The following ROBO2 variants were observed in gnomAD, a reference collection of about 807,000 sequenced individuals.
ROBO2 encodes roundabout homolog 2.
In ROBO2, 53 loss-of-function variants were observed where a neutral mutation model predicts 160.8. The ratio of observed to expected loss-of-function variants is 0.33; its 90% CI spans 0.26 to 0.41. ROBO2 has a LOEUF of 0.41. Ranked by LOEUF, ROBO2 falls within the 10% of genes least tolerant of loss-of-function variation. The pLI is 1.00. For synonymous variants in ROBO2, 664 were observed against 611.7 expected (o/e 1.09, Z -1.26); for missense variants, 1,577 against 1,722.4 (o/e 0.92, Z 1.49).
At chr3:76,482,281 C>T (rs2107347950) in intron 2 of ROBO2, among the ~76,000 whole-genome samples, 1 of 152,146 alleles carries the variant, frequency 6.6e-6, no homozygotes, top group South Asian at 2.1e-4. Flanking sequence ...TTGATATCAA[C>T]AATTATTAGA....
chr3:76,687,726 C>T (rs1190904666), intron 2 of ROBO2, among the ~76,000 whole-genome samples: 5 of 151,986 alleles, frequency 3.3e-5, no homozygotes, highest in Admixed American at 3.3e-4. Context: ...GGCAACACAA[C>T]CAACCTTTTT....
chr3:77,327,154 C>G (rs189173615), intron 2 of ROBO2, among the ~76,000 whole-genome samples: 1 of 152,246 alleles, frequency 6.6e-6, no homozygotes, highest in Non-Finnish European at 1.5e-5. Context: ...TCTTGGTTAA[C>G]CCTTCAAAGC....
At chr3:76,253,345 T>C (rs1407337831) in intron 2 of ROBO2, among the ~76,000 whole-genome samples, 1 of 152,010 alleles carries the variant, frequency 6.6e-6, no homozygotes, top group Non-Finnish European at 1.5e-5. Context: ...TGACCACAGC[T>C]CACTGAAGTA....
At chr3:76,788,094 T>C (rs1453186200) in intron 2 of ROBO2, among the ~76,000 whole-genome samples, 1 of 151,058 alleles carries the variant, frequency 6.6e-6, no homozygotes, top group East Asian at 1.9e-4. Flanking sequence ...AGATTCCAAA[T>C]CTATTGTTAA....
intron 1 of ROBO2, among the ~76,000 whole-genome samples, chr3:77,056,815 C>G (rs938642554): frequency 6.6e-6 from 1 of 151,990 alleles, no homozygotes; most frequent in African/African-American, 2.4e-5. Context: ...AAGGAATTGA[C>G]ATGTAATATA....
chr3:76,148,006 T>C (rs530842209), intron 2 of ROBO2, among the ~76,000 whole-genome samples: 1 of 152,148 alleles, frequency 6.6e-6, no homozygotes, highest in Admixed American at 6.6e-5. Context: ...TCTAGGATAA[T>C]AGGCACCAAA....
At chr3:76,548,281 C>G (rs754864911) in intron 2 of ROBO2, among the ~76,000 whole-genome samples, 1 of 151,982 alleles carries the variant, frequency 6.6e-6, no homozygotes, top group Non-Finnish European at 1.5e-5. Flanking sequence ...CATATGCTGA[C>G]AAAAAAATGA....
intron 2 of ROBO2, among the ~76,000 whole-genome samples, chr3:76,352,992 A>G (rs1198397674): frequency 6.6e-6 from 1 of 152,020 alleles, no homozygotes; most frequent in African/African-American, 2.4e-5. Flanking sequence ...TAATTCAAGA[A>G]CAGCCTGGCG....
chr3:77,510,409 G>A (rs1036624950), intron 5 of ROBO2, among the ~76,000 whole-genome samples: 2 of 151,994 alleles, frequency 1.3e-5, no homozygotes, highest in Non-Finnish European at 2.9e-5. Flanking sequence ...AAGTGAGGAA[G>A]ACACAACCAA....
chr3:77,328,242 C>T (rs537126300), intron 2 of ROBO2, among the ~76,000 whole-genome samples: 1 of 152,010 alleles, frequency 6.6e-6, no homozygotes, highest in East Asian at 1.9e-4. Context: ...TGATGGTGAG[C>T]CACACAGTAC....
chr3:76,981,576 C>A (rs1364777872), intron 2 of ROBO2, among the ~76,000 whole-genome samples: 1 of 152,010 alleles, frequency 6.6e-6, no homozygotes, highest in Non-Finnish European at 1.5e-5. Flanking sequence ...ATCAGATTTG[C>A]AATAACTTTC....
chr3:76,871,553 C>CAAAAAA (rs553069391), intron 2 of ROBO2, among the ~76,000 whole-genome samples: 1 of 84,522 alleles, frequency 1.2e-5, no homozygotes, highest in African/African-American at 4.1e-5. Context: ...GACTCCGTCT[C>CAAAAAA]AAAAAAAGAA....
intron 6 of ROBO2, chr3:77,538,912 T>A (rs755454528): frequency 2.1e-6 from 1 of 473,072 alleles, no homozygotes; most frequent in Non-Finnish European, 4.3e-6. Context: ...AGAAACTTTT[T>A]AATTTTTTTT....
At chr3:76,349,754 T>G (rs901114103) in intron 2 of ROBO2, among the ~76,000 whole-genome samples, 16 of 152,060 alleles carry the variant, frequency 1.1e-4, no homozygotes, top group African/African-American at 3.4e-4. Context: ...GCAATAGTAG[T>G]AGCAGGGCCA....
intron 2 of ROBO2, among the ~76,000 whole-genome samples, chr3:76,064,137 G>T (rs2107908358): frequency 6.6e-6 from 1 of 152,242 alleles, no homozygotes; most frequent in South Asian, 2.1e-4. Flanking sequence ...TTGCAGACTG[G>T]TCGACACCTT....
intron 5 of ROBO2, among the ~76,000 whole-genome samples, chr3:77,515,971 A>T (rs756536322): frequency 1.4e-4 from 21 of 151,608 alleles, no homozygotes; most frequent in Non-Finnish European, 2.5e-4. Context: ...GTATTTTCTT[A>T]TTATTGCATA....
intron 2 of ROBO2, among the ~76,000 whole-genome samples, chr3:76,506,720 C>T (rs1203858283): frequency 1.3e-5 from 2 of 152,048 alleles, no homozygotes; most frequent in East Asian, 1.9e-4. Flanking sequence ...TGTTAGCGTA[C>T]CCTGGCAACC....
intron 2 of ROBO2, among the ~76,000 whole-genome samples, chr3:76,220,912 C>T (rs959853418): frequency 3.3e-5 from 5 of 152,194 alleles, no homozygotes; most frequent in African/African-American, 1.2e-4. Flanking sequence ...AGAACTTCCA[C>T]TGGTTGTAGA....
Position 77,434,301 on chromosome 3 carries a change from A to G in ROBO2, c.389-43113A>G, listed in dbSNP as rs558873319. Among the ~76,000 whole-genome samples the G allele has an allele frequency of 5.9e-5, 9 of 152,216 alleles. No individual in the cohort carries two copies. The East Asian group carries it at 1.7e-3, about 29-fold the overall frequency. On this transcript the variant is annotated intron_variant, in intron 2 of 25. Transcript: ENST00000461745. ...ATATGATTTTTTTAAGAATGATCAG[A>G]CTAGGTGAGGACCCCCAAATTTCCC...
Sources: gnomAD v4.1 joint callset for allele counts (sites outside exome capture counted in the v4.1 genomes callset) on GRCh38, gnomAD v4.1.1 for gene constraint, MANE v1.5 for transcripts, NCBI Gene and HGNC (gene_info 2026-07-23, HGNC 2026-07-21) for gene names.